MARCHF1: variants seen among roughly 807,000 people sequenced by gnomAD.
MARCHF1 encodes membrane associated ring-CH-type finger 1, also known as E3 ubiquitin-protein ligase MARCHF1.
A neutral mutation model predicts 54.2 loss-of-function variants in MARCHF1; 40 were observed. The observed-to-expected ratio is 0.74, with a 90% CI of 0.57 to 0.96. The LOEUF (loss-of-function observed/expected upper bound fraction) is 0.96. MARCHF1 is among the 40% of genes least tolerant of loss of function. The pLI, the probability that MARCHF1 is intolerant of heterozygous loss-of-function variation, is 0.00. For missense variants in MARCHF1, 586 were observed against 656.5 expected, an observed-to-expected ratio of 0.89 and a Z score of 1.17; for synonymous variants, 236 against 236.3, an observed-to-expected ratio of 1.00 and a Z score of 0.01.
rs115369026 is a variant in MARCHF1, at chr4:164,363,926, T to C, written c.-323+19944A>G. Among the ~76,000 whole-genome samples, 774 of 152,160 alleles carry C rather than the reference T, an allele frequency of 5.1e-3. 10 individuals are homozygous for C. The highest frequency in any genetic ancestry group is 0.018 in the African/African-American group (741 of 41,526). ...TGATAGGGTTTCAAATACAAAAGAA[T>C]GCTTTCCTTTGTATTAGAAACCCTA... On this transcript the variant is annotated intron_variant, in intron 1 of 9. Transcript: ENST00000514618.
At chr4:164,276,947 T>TAGAG (rs869098740) in intron 1 of MARCHF1, among the ~76,000 whole-genome samples, 14 of 118,802 alleles carry the variant, frequency 1.2e-4, no homozygotes, top group African/African-American at 4.0e-4. Flanking sequence ...TATATATATA[T>TAGAG]AGAGAGAGAG....
At chr4:164,379,084 A>G (rs1731285539) in intron 1 of MARCHF1, among the ~76,000 whole-genome samples, 1 of 152,232 alleles carries the variant, frequency 6.6e-6, no homozygotes, top group African/African-American at 2.4e-5. Context: ...GCTCACGGCA[A>G]TACAGCTGAC....
intron 5 of MARCHF1, among the ~76,000 whole-genome samples, chr4:163,624,214 A>G (rs1283910117): frequency 1.3e-5 from 2 of 152,158 alleles, no homozygotes; most frequent in Non-Finnish European, 2.9e-5. Context: ...TGAGCCAACT[A>G]TCAACCGAGA....
chr4:164,086,143 GA>G (rs1755188543), intron 2 of MARCHF1, among the ~76,000 whole-genome samples: 1 of 151,864 alleles, frequency 6.6e-6, no homozygotes, highest in Non-Finnish European at 1.5e-5. Flanking sequence ...TTAGCTCTGA[GA>G]AAAAACAAAT....
At chr4:163,983,733 A>G (rs1345753761) in intron 3 of MARCHF1, among the ~76,000 whole-genome samples, 1 of 152,156 alleles carries the variant, frequency 6.6e-6, no homozygotes, top group African/African-American at 2.4e-5. Flanking sequence ...ATGGACTTCA[A>G]TGATGGGTTG....
intron 4 of MARCHF1, among the ~76,000 whole-genome samples, chr4:163,769,432 A>G (rs1424924363): frequency 1.3e-5 from 2 of 152,178 alleles, no homozygotes; most frequent in Non-Finnish European, 2.9e-5. Context: ...TACATATATT[A>G]ATGTATTTAA....
intron 5 of MARCHF1, among the ~76,000 whole-genome samples, chr4:163,620,606 C>CAGAGAG (rs138054709): frequency 2.3e-4 from 13 of 56,868 alleles, no homozygotes; most frequent in South Asian, 1.3e-3. Context: ...CACACACACA[C>CAGAGAG]AGAGAGAGAG....
intron 2 of MARCHF1, among the ~76,000 whole-genome samples, chr4:164,025,111 C>T (rs1253236298): frequency 6.7e-6 from 1 of 149,708 alleles, no homozygotes; most frequent in Non-Finnish European, 1.5e-5. Context: ...CTCTTCTTGA[C>T]CTATGAAAAG....
At position 163,896,096 on chromosome 4, in the gene MARCHF1, A is replaced by AT. The variant is rs562084497; in HGVS notation, c.-38-41928dup. 2.6e-3 allele frequency among the ~76,000 whole-genome samples: 395 copies of AT among 152,170 alleles called. 4 individuals are homozygous for AT. Among genetic ancestry groups the AT allele is most frequent in the African/African-American group, 9.2e-3 (381 of 41,476 alleles). On this transcript the variant is annotated intron_variant, in intron 3 of 9. Coordinates refer to ENST00000514618, the MANE Select transcript of MARCHF1 (RefSeq NM_001394959.1). ...ACCATTTCCCTCTGATTACACTTTC[A>AT]TTTTTTTCACTGTGTTCTTTTGCCT...
intron 1 of MARCHF1, among the ~76,000 whole-genome samples, chr4:164,158,081 C>CT: frequency 6.6e-6 from 1 of 152,154 alleles, no homozygotes; most frequent in Admixed American, 6.6e-5. Context: ...TTTGCATGCA[C>CT]TTGATGCTAT....
At chr4:163,713,877 T>C (rs1162353158) in intron 4 of MARCHF1, among the ~76,000 whole-genome samples, 1 of 152,152 alleles carries the variant, frequency 6.6e-6, no homozygotes, top group Non-Finnish European at 1.5e-5. Flanking sequence ...TCTTCATAAG[T>C]TGGCAATACA....
At chr4:163,636,332 A>G (rs895881384) in intron 5 of MARCHF1, among the ~76,000 whole-genome samples, 1 of 145,982 alleles carries the variant, frequency 6.9e-6, no homozygotes, top group Non-Finnish European at 1.5e-5. Flanking sequence ...ACATGATTGT[A>G]TATCTAGAAA....
intron 5 of MARCHF1, among the ~76,000 whole-genome samples, chr4:163,617,336 G>A (rs78721623): frequency 0.032 from 4,919 of 152,192 alleles, 109 homozygotes; most frequent in Non-Finnish European, 0.046. Context: ...AGTGAATATA[G>A]CTAACAATAG....
At chr4:164,216,985 T>G (rs1414199337) in intron 1 of MARCHF1, among the ~76,000 whole-genome samples, 2 of 152,202 alleles carry the variant, frequency 1.3e-5, no homozygotes, top group Non-Finnish European at 2.9e-5. Context: ...CCTTAACCAA[T>G]AGCATGAAAA....
At chr4:163,579,327 A>T (rs1306267675) in intron 8 of MARCHF1, among the ~76,000 whole-genome samples, 1 of 152,244 alleles carries the variant, frequency 6.6e-6, no homozygotes, top group Non-Finnish European at 1.5e-5. Flanking sequence ...AATAAAACAA[A>T]TAAAAACAAA....
intron 2 of MARCHF1, among the ~76,000 whole-genome samples, chr4:164,098,000 T>C (rs1755451890): frequency 6.6e-6 from 1 of 152,166 alleles, no homozygotes; most frequent in African/African-American, 2.4e-5. Flanking sequence ...TAGACAAGTG[T>C]TTAGCTCTGT....
intron 1 of MARCHF1, among the ~76,000 whole-genome samples, chr4:164,130,831 C>T (rs1377543376): frequency 1.3e-5 from 2 of 152,116 alleles, no homozygotes; most frequent in Non-Finnish European, 2.9e-5. Context: ...TGATTGATGT[C>T]GTTATATGTT....
intron 8 of MARCHF1, chr4:163,585,301 A>T (rs1301331315): frequency 6.6e-6 from 1 of 152,380 alleles, no homozygotes. Flanking sequence ...AGAAGAAATC[A>T]TTCTCTTCTA....
At chr4:164,213,567 C>T (rs896832838) in intron 1 of MARCHF1, among the ~76,000 whole-genome samples, 3 of 151,910 alleles carry the variant, frequency 2.0e-5, no homozygotes, top group Non-Finnish European at 2.9e-5. Context: ...CTACGTAACA[C>T]ATTGACTACA....
Sources: gnomAD v4.1 joint callset for allele counts (sites outside exome capture counted in the v4.1 genomes callset) on GRCh38, gnomAD v4.1.1 for gene constraint, MANE v1.5 for transcripts, NCBI Gene and HGNC (gene_info 2026-07-23, HGNC 2026-07-21) for gene names.